The following COL5A2 variants were observed in gnomAD, a reference collection of about 807,000 sequenced individuals.
COL5A2 encodes the protein collagen type V alpha 2 chain.
Under a neutral mutation model 208.2 loss-of-function variants are expected in COL5A2, and 23 were observed. The ratio of observed to expected loss-of-function variants is 0.11; its 90% CI spans 0.08 to 0.16. The LOEUF (loss-of-function observed/expected upper bound fraction) is 0.16. Ranked by LOEUF, COL5A2 falls within the 10% of genes least tolerant of loss-of-function variation. COL5A2 has a pLI of 1.00. For missense variants in COL5A2, 1,590 were observed against 1,956.4 expected (o/e 0.81, Z 3.53); for synonymous variants, 625 against 628.5 (o/e 0.99, Z 0.08).
Position 189,223,857 on chromosome 2 carries a change from C to T in COL5A2, c.-42+1291G>A, listed in dbSNP as rs545689737. Reference sequence around the variant, plus strand: ...TGCTCATAAGATTCTGTTTACTTACCTGTGCCCTAGCTATAAGGGTCTGTT... The same window carrying T: ...TGCTCATAAGATTCTGTTTACTTACTTGTGCCCTAGCTATAAGGGTCTGTT... On this transcript the variant is annotated intron_variant, in intron 1 of 10. Transcript: ENST00000649966. Among the ~76,000 whole-genome samples the T allele has an allele frequency of 1.2e-3, 183 of 152,228 alleles. 1 individual carries two copies. The highest frequency in any genetic ancestry group is 3.4e-3 in the African/African-American group (143 of 41,532).
chr2:189,228,368 A>T (rs1689444023), upstream of COL5A2, among the ~76,000 whole-genome samples: 1 of 151,814 alleles, frequency 6.6e-6, no homozygotes, highest in African/African-American at 2.4e-5. Flanking sequence ...AACAAAATTA[A>T]TTGGCCTTTT....
chr2:189,137,259 A>G (rs1687843992), intron 1 of COL5A2, among the ~76,000 whole-genome samples: 2 of 152,212 alleles, frequency 1.3e-5, no homozygotes, highest in Admixed American at 6.5e-5. Flanking sequence ...ATTATCACAG[A>G]AAATGAAGTC....
chr2:189,438,881 G>T, the COL5A2 span, among the ~76,000 whole-genome samples: 20 of 152,140 alleles, frequency 1.3e-4, no homozygotes, highest in Admixed American at 9.8e-4. Flanking sequence ...ACCCAAAGCT[G>T]TTACAATGAT....
chr2:189,317,787 A>G, the COL5A2 span, among the ~76,000 whole-genome samples: 66 of 152,308 alleles, frequency 4.3e-4, no homozygotes, highest in African/African-American at 1.5e-3. Flanking sequence ...ATTCACTCAG[A>G]TTGCATTATA....
chr2:189,189,124 C>G (rs951029401), intron 1 of COL5A2, among the ~76,000 whole-genome samples: 1 of 152,064 alleles, frequency 6.6e-6, no homozygotes. Flanking sequence ...ATTTTTGTGT[C>G]CTGTATTTGA....
chr2:189,081,194 C>T, intron 12 of COL5A2, 151 bp from the exon 13 acceptor site: 1 of 664,310 alleles, frequency 1.5e-6, no homozygotes, highest in African/African-American at 1.8e-5. Context: ...TTTTATCTGT[C>T]AAAATATATC....
chr2:189,376,589 C>G, the COL5A2 span, among the ~76,000 whole-genome samples: 1 of 152,194 alleles, frequency 6.6e-6, no homozygotes, highest in Non-Finnish European at 1.5e-5. Context: ...ACAACTACTG[C>G]TCTTTAACTG....
chr2:189,420,578 T>C, the COL5A2 span, among the ~76,000 whole-genome samples: 4 of 152,004 alleles, frequency 2.6e-5, no homozygotes, highest in Non-Finnish European at 5.9e-5. Context: ...TATATATGTA[T>C]AAATTAGATA....
At chr2:189,423,504 A>G in the COL5A2 span, among the ~76,000 whole-genome samples, 1 of 152,044 alleles carries the variant, frequency 6.6e-6, no homozygotes, top group African/African-American at 2.4e-5. Flanking sequence ...AAAAAAGAGA[A>G]GAAAACAAAA....
the COL5A2 span, among the ~76,000 whole-genome samples, chr2:189,276,557 A>G: frequency 6.6e-6 from 1 of 152,162 alleles, no homozygotes; most frequent in African/African-American, 2.4e-5. Context: ...CATATTGCAT[A>G]AAATTATTGT....
chr2:189,226,806 C>T (rs1689426230), upstream of COL5A2, among the ~76,000 whole-genome samples: 2 of 152,058 alleles, frequency 1.3e-5, no homozygotes. Context: ...GCCCAAGGGG[C>T]TGGTTTCTTT....
intron 5 of COL5A2, 136 bp downstream of exon 5, chr2:189,098,591 G>A (rs1686969894): frequency 4.1e-6 from 3 of 734,376 alleles, no homozygotes; most frequent in African/African-American, 3.5e-5. Context: ...CTTGAAGATG[G>A]TTTAAGACAA....
At chr2:189,214,674 A>AG (rs1689256745) in intron 1 of COL5A2, among the ~76,000 whole-genome samples, 2 of 152,200 alleles carry the variant, frequency 1.3e-5, no homozygotes, top group African/African-American at 2.4e-5. Flanking sequence ...AAGGGAGAGC[A>AG]GTAGGAGGCC....
intron 12 of COL5A2, among the ~76,000 whole-genome samples, chr2:189,082,519 G>A (rs945644445): frequency 3.9e-5 from 6 of 152,268 alleles, no homozygotes; most frequent in African/African-American, 9.6e-5. Context: ...GTGCAGACCC[G>A]TCTAAGCCTA....
the COL5A2 span, among the ~76,000 whole-genome samples, chr2:189,346,743 G>A: frequency 0.035 from 5,378 of 152,196 alleles, 113 homozygotes; most frequent in Admixed American, 0.05. Flanking sequence ...AGGTAACTCA[G>A]GAAGTAGCTA....
At chr2:189,290,498 AG>A in the COL5A2 span, among the ~76,000 whole-genome samples, 1 of 152,210 alleles carries the variant, frequency 6.6e-6, no homozygotes, top group African/African-American at 2.4e-5. Context: ...AATACGTTGA[AG>A]ACGTAAATTA....
intron 24 of COL5A2, 53 bp from the exon 25 acceptor site, chr2:189,064,708 G>A: frequency 1.6e-6 from 2 of 1,222,784 alleles, no homozygotes; most frequent in Non-Finnish European, 2.4e-6. Context: ...AAAAACAAAA[G>A]CAAGCAGAAG....
At chr2:189,222,242 G>A (rs1408852697) in intron 1 of COL5A2, among the ~76,000 whole-genome samples, 1 of 152,106 alleles carries the variant, frequency 6.6e-6, no homozygotes, top group African/African-American at 2.4e-5. Context: ...TATCTGAGAT[G>A]ACTGATAAAA....
intron 1 of COL5A2, among the ~76,000 whole-genome samples, chr2:189,193,765 G>A (rs1274984860): frequency 6.6e-6 from 1 of 152,134 alleles, no homozygotes; most frequent in African/African-American, 2.4e-5. Context: ...TTATTTTCTG[G>A]GGGAGAGAGG....
Sources: allele counts gnomAD v4.1 joint callset (sites outside exome capture counted in the v4.1 genomes callset), GRCh38; gene constraint gnomAD v4.1.1; transcripts MANE v1.5; gene names NCBI Gene and HGNC (gene_info 2026-07-23, HGNC 2026-07-21).